Variants in ABCB7 observed in about 807,000 individuals in gnomAD.
ABCB7 encodes the protein ATP binding cassette subfamily B member 7, also known as iron-sulfur clusters transporter ABCB7, mitochondrial.
A neutral mutation model predicts 54.4 loss-of-function variants in ABCB7; 7 were observed. The ratio of observed to expected loss-of-function variants is 0.13; its 90% CI spans 0.07 to 0.24. The LOEUF is 0.24. Among genes scored for constraint, ABCB7 ranks in the 10% least tolerant of loss-of-function variants. ABCB7 has a pLI of 1.00. For missense variants in ABCB7, 356 were observed against 570.4 expected, an observed-to-expected ratio of 0.62 and a Z score of 3.83; for synonymous variants, 218 against 207.1, an observed-to-expected ratio of 1.05 and a Z score of -0.45.
Position 75,069,473 on chromosome X carries a change from A to C in ABCB7, c.1366-19T>G. The C allele has an allele frequency of 1.7e-6, 2 of 1,206,776 alleles. No individual in the cohort carries two copies. Among genetic ancestry groups the C allele is most frequent in the Admixed American group, 4.3e-5 (2 of 45,986 alleles). On this transcript the variant is annotated intron_variant, in intron 10 of 15. Transcript: ENST00000373394. ...CTTTGTCCTAGCAGGGAAGAGAAAA[A>C]AAAAGCCACTTTACGCACTGCCTAG...
At chrX:75,075,311 T>C (rs752361341) in intron 6 of ABCB7, 51 bp downstream of exon 6, 22 of 1,172,917 alleles carry the variant, frequency 1.9e-5, no homozygotes, top group Non-Finnish European at 2.5e-5. Flanking sequence ...ATTCAATTGC[T>C]ACTAATGAGA....
chrX:75,068,925 C>T, intron 12 of ABCB7, 82 bp downstream of exon 12: 1 of 1,059,310 alleles, frequency 9.4e-7, no homozygotes, highest in Non-Finnish European at 1.3e-6. Flanking sequence ...ATATGTTGAT[C>T]CCTTGATTCA....
At position 75,053,304 on chromosome X, in the gene ABCB7, A is replaced by C. The variant is rs909263328; in HGVS notation, c.*66T>G. The C allele has an allele frequency of 8.5e-7, 1 of 1,174,058 alleles. No homozygotes were observed. The highest frequency in any genetic ancestry group is 1.8e-5 in the African/African-American group (1 of 56,726). ...ATGGGAATGTATGATTTTTTTAATAAAACAATTCTGCTTCAGTGCAAATAT... is the reference window on the plus strand; with the variant it reads ...ATGGGAATGTATGATTTTTTTAATACAACAATTCTGCTTCAGTGCAAATAT... On this transcript the variant is annotated 3_prime_UTR_variant, in exon 16 of 16. Coordinates refer to ENST00000373394, the MANE Select transcript of ABCB7 (RefSeq NM_001271696.3).
At chrX:75,142,895 A>G (rs2082064256) in intron 1 of ABCB7, among the ~76,000 whole-genome samples, 1 of 112,443 alleles carries the variant, frequency 8.9e-6, no homozygotes, top group Admixed American at 9.4e-5. Context: ...CGGGTGCCCA[A>G]TAAGTGTTTG....
intron 4 of ABCB7, among the ~76,000 whole-genome samples, chrX:75,098,308 CAA>C (rs775704746): frequency 2.4e-4 from 15 of 62,364 alleles, no homozygotes; most frequent in Admixed American, 3.8e-4. Flanking sequence ...GACTCTGTAT[CAA>C]AAAAAAAAAA....
chrX:75,105,659 C>A (rs973530868), intron 3 of ABCB7, among the ~76,000 whole-genome samples: 5 of 111,587 alleles, frequency 4.5e-5, no homozygotes, highest in Non-Finnish European at 7.5e-5. Context: ...AAAAACTGTT[C>A]TAAAATTCAT....
At chrX:75,148,911 G>A (rs2082111948) in intron 1 of ABCB7, among the ~76,000 whole-genome samples, 2 of 111,824 alleles carry the variant, frequency 1.8e-5, no homozygotes, top group South Asian at 7.6e-4. Flanking sequence ...AGTCACTACA[G>A]TCAGAGTAGT....
chrX:75,152,273 G>A (rs967865017), intron 1 of ABCB7, among the ~76,000 whole-genome samples: 11 of 111,913 alleles, frequency 9.8e-5, no homozygotes, highest in African/African-American at 2.0e-4. Context: ...GTCATTGGGA[G>A]GTGATTAGGA....
At chrX:75,102,187 G>A (rs2081645997) in intron 3 of ABCB7, among the ~76,000 whole-genome samples, 1 of 110,485 alleles carries the variant, frequency 9.1e-6, no homozygotes, top group Non-Finnish European at 1.9e-5. Context: ...TCTATGGGTT[G>A]GGAACATTTC....
At chrX:75,059,837 T>C (rs1194891363) in intron 15 of ABCB7, among the ~76,000 whole-genome samples, 1 of 111,801 alleles carries the variant, frequency 8.9e-6, no homozygotes, top group Non-Finnish European at 1.9e-5. Flanking sequence ...TAATTTTCTT[T>C]TAACCATCAA....
rs746347959 is a variant in ABCB7, at chrX:75,069,460, A to C, written c.1366-6T>G. The C allele has an allele frequency of 8.3e-7, 1 of 1,204,106 alleles. No homozygotes were observed. Among genetic ancestry groups the C allele is most frequent in the African/African-American group, 1.7e-5 (1 of 57,311 alleles). On this transcript the variant is annotated splice_polypyrimidine_tract_variant and splice_region_variant and intron_variant, in intron 10 of 15. Transcript: ENST00000373394. ...GGAGATGCCATCACTTTGTCCTAGC[A>C]GGGAAGAGAAAAAAAAAGCCACTTT...
At chrX:75,135,148 C>T (rs2082000709) in intron 1 of ABCB7, among the ~76,000 whole-genome samples, 1 of 108,214 alleles carries the variant, frequency 9.2e-6, no homozygotes, top group East Asian at 2.9e-4. Context: ...ACATTACTGT[C>T]GACCCCGCAG....
At position 75,152,683 on chromosome X, in the gene ABCB7, G is replaced by A. The variant is rs2082140892; in HGVS notation, c.168+3422C>T. Among the ~76,000 whole-genome samples, 4 of 108,572 alleles carry A rather than the reference G, an allele frequency of 3.7e-5. No individual in the cohort carries two copies. The South Asian group carries it at 1.6e-3, about 45-fold the overall frequency. 94.3% of individuals were successfully genotyped at this position (108,572 alleles called of 115,157 possible). The stretch of plus-strand genomic sequence containing the variant: ...TTTTTTTTTTTCTTTTTTTTGAGAG[G>A]AAGTCTCGCTCTGTCGCCCAGGCTG... On this transcript the variant is annotated intron_variant, in intron 1 of 15. Coordinates refer to ENST00000373394, the MANE Select transcript of ABCB7 (RefSeq NM_001271696.3).
At chrX:75,107,891 C>A (rs1232629217) in intron 3 of ABCB7, among the ~76,000 whole-genome samples, 1 of 110,662 alleles carries the variant, frequency 9.0e-6, no homozygotes, top group Non-Finnish European at 1.9e-5. Context: ...ACCAAGCAGG[C>A]ACTGGATGGT....
intron 3 of ABCB7, among the ~76,000 whole-genome samples, chrX:75,104,678 C>A (rs1478344190): frequency 1.8e-5 from 2 of 111,012 alleles, no homozygotes; most frequent in South Asian, 7.7e-4. Flanking sequence ...AGAGGGAATC[C>A]TCCGTAACTC....
intron 1 of ABCB7, among the ~76,000 whole-genome samples, chrX:75,116,882 CAA>C (rs1372822358): frequency 9.0e-6 from 1 of 110,761 alleles, no homozygotes; most frequent in East Asian, 2.8e-4. Context: ...AAGATAGCGA[CAA>C]GAGTAATCTT....
chrX:75,109,848 G>A (rs953453314), intron 3 of ABCB7, among the ~76,000 whole-genome samples: 1 of 111,554 alleles, frequency 9.0e-6, no homozygotes, highest in Non-Finnish European at 1.9e-5. Context: ...TGCAATAAAA[G>A]GAAGAAACCA....
intron 1 of ABCB7, among the ~76,000 whole-genome samples, chrX:75,146,985 A>C (rs1016393821): frequency 5.4e-5 from 6 of 110,611 alleles, no homozygotes; most frequent in Non-Finnish European, 1.1e-4. Context: ...AGAAAAAAAA[A>C]CATAAAGTGG....
At chrX:75,149,844 G>C (rs767373687) in intron 1 of ABCB7, among the ~76,000 whole-genome samples, 24 of 110,891 alleles carry the variant, frequency 2.2e-4, no homozygotes, top group South Asian at 3.9e-4. Flanking sequence ...GTTAGAGAGA[G>C]GGCATTTCAG....
Sources: gnomAD v4.1 joint callset for allele counts (sites outside exome capture counted in the v4.1 genomes callset) on GRCh38, gnomAD v4.1.1 for gene constraint, MANE v1.5 for transcripts, NCBI Gene and HGNC (gene_info 2026-07-23, HGNC 2026-07-21) for gene names.